The following NRXN3 variants were observed in gnomAD, a reference collection of about 807,000 sequenced individuals.
The protein encoded by NRXN3 is neurexin III.
Under a neutral mutation model 137.6 loss-of-function variants are expected in NRXN3, and 32 were observed. That is an observed-to-expected ratio of 0.23 (90% confidence interval 0.18 to 0.31). The LOEUF is 0.31. NRXN3 is among the 10% of genes least tolerant of loss of function. NRXN3 has a pLI of 1.00. For missense variants in NRXN3, 1,574 were observed against 2,062.5 expected, an observed-to-expected ratio of 0.76 and a Z score of 4.59; for synonymous variants, 798 against 784.5, an observed-to-expected ratio of 1.02 and a Z score of -0.29.
At chr14:78,275,219 T>C (rs964311592) in intron 2 of NRXN3, among the ~76,000 whole-genome samples, 2 of 152,228 alleles carry the variant, frequency 1.3e-5, no homozygotes, top group African/African-American at 4.8e-5. Flanking sequence ...TTTGACATTA[T>C]GTATCTGTTT....
chr14:78,201,385 G>T (rs2061663172), intron 1 of NRXN3, among the ~76,000 whole-genome samples: 1 of 152,178 alleles, frequency 6.6e-6, no homozygotes. Flanking sequence ...CCGCTCTGGG[G>T]CTTACAGATC....
intron 15 of NRXN3, among the ~76,000 whole-genome samples, chr14:79,430,745 G>T (rs1356030992): frequency 6.6e-6 from 1 of 152,148 alleles, no homozygotes; most frequent in Non-Finnish European, 1.5e-5. Flanking sequence ...AATATGTTAT[G>T]AGTTTTTTAA....
At chr14:79,204,702 G>C (rs1274800021) in intron 15 of NRXN3, among the ~76,000 whole-genome samples, 2 of 152,114 alleles carry the variant, frequency 1.3e-5, no homozygotes, top group Non-Finnish European at 1.5e-5. Flanking sequence ...GCAGCTGTTG[G>C]GTAGATATGG....
At chr14:78,888,666 C>G (rs1293979382) in intron 10 of NRXN3, among the ~76,000 whole-genome samples, 1 of 151,896 alleles carries the variant, frequency 6.6e-6, no homozygotes, top group African/African-American at 2.4e-5. Flanking sequence ...AAAGTTTATT[C>G]AAAGTTATTA....
chr14:79,226,627 C>A (rs2070908477), intron 15 of NRXN3, among the ~76,000 whole-genome samples: 1 of 152,050 alleles, frequency 6.6e-6, no homozygotes, highest in Admixed American at 6.6e-5. Context: ...TTTTCATGCC[C>A]CTTGTAAACA....
chr14:79,280,288 G>A (rs774267048), intron 15 of NRXN3: 3 of 1,613,940 alleles, frequency 1.9e-6, no homozygotes, highest in Non-Finnish European at 2.5e-6. Flanking sequence ...CCCGTGCGTT[G>A]ACCATGCACC....
intron 6 of NRXN3, among the ~76,000 whole-genome samples, chr14:78,686,037 G>A (rs112866772): frequency 1.7e-3 from 252 of 151,970 alleles, no homozygotes; most frequent in African/African-American, 5.8e-3. Flanking sequence ...TCCTTCTTCC[G>A]TTTAGCTTGT....
intron 19 of NRXN3, among the ~76,000 whole-genome samples, chr14:79,775,397 G>A (rs2099093517): frequency 6.6e-6 from 1 of 152,046 alleles, no homozygotes; most frequent in South Asian, 2.1e-4. Context: ...ACTGTTCGCA[G>A]TCATCTAATT....
chr14:79,125,827 A>G (rs990315356), intron 15 of NRXN3, among the ~76,000 whole-genome samples: 3 of 152,034 alleles, frequency 2.0e-5, no homozygotes, highest in African/African-American at 7.2e-5. Context: ...ATGATTGTCA[A>G]CTGCAATGAC....
chr14:79,495,743 C>T (rs983364638), intron 16 of NRXN3, among the ~76,000 whole-genome samples: 1 of 151,980 alleles, frequency 6.6e-6, no homozygotes, highest in African/African-American at 2.4e-5. Flanking sequence ...ATTGAATAAT[C>T]TTCCAAAATC....
At chr14:79,776,163 T>A (rs117556367) in intron 19 of NRXN3, among the ~76,000 whole-genome samples, 1 of 152,198 alleles carries the variant, frequency 6.6e-6, no homozygotes, top group Non-Finnish European at 1.5e-5. Context: ...ATTACTTCTC[T>A]CCACTGTTAC....
intron 20 of NRXN3, among the ~76,000 whole-genome samples, chr14:79,850,201 G>A (rs73336380): frequency 0.037 from 5,567 of 152,148 alleles, 335 homozygotes; most frequent in African/African-American, 0.13. Context: ...CAGCCCTCCC[G>A]GTTTGTAACT....
chr14:78,285,786 C>G (rs559992355), intron 3 of NRXN3, among the ~76,000 whole-genome samples: 3 of 152,220 alleles, frequency 2.0e-5, no homozygotes, highest in Non-Finnish European at 4.4e-5. Context: ...AATCTTTATT[C>G]AGTGCCCATC....
intron 19 of NRXN3, among the ~76,000 whole-genome samples, chr14:79,725,664 G>A (rs2098882074): frequency 6.6e-6 from 1 of 152,084 alleles, no homozygotes; most frequent in Admixed American, 6.6e-5. Flanking sequence ...TATATCCCAG[G>A]CACGTTTTGT....
At chr14:78,591,562 A>G (rs574414270) in intron 4 of NRXN3, among the ~76,000 whole-genome samples, 25 of 152,298 alleles carry the variant, frequency 1.6e-4, no homozygotes, top group African/African-American at 6.0e-4. Context: ...AATGAACTAG[A>G]AAGACTCTCC....
In NRXN3 at chr14:78,647,400, C is replaced by A. The variant is rs186119022; in HGVS notation, c.1059+1979C>A. Among the ~76,000 whole-genome samples the A allele has an allele frequency of 3.7e-4, 57 of 152,364 alleles. No homozygotes were observed. In the East Asian group the frequency reaches 0.011, roughly 29 times the overall value. ...GCAAAATGGTGGTTACAATCTTCCG[C>A]AGCCATGTGTGGTGGCTAAATATGC... On this transcript the variant is annotated intron_variant, in intron 5 of 20. Coordinates refer to ENST00000335750, the MANE Select transcript of NRXN3 (RefSeq NM_001330195.2).
chr14:79,740,688 C>T (rs1252408008), intron 19 of NRXN3, among the ~76,000 whole-genome samples: 4 of 124,880 alleles, frequency 3.2e-5, no homozygotes, highest in African/African-American at 5.9e-5. Context: ...TACTGCCTTT[C>T]CACTGGACTT....
chr14:79,574,241 C>G (rs146865204), intron 16 of NRXN3, among the ~76,000 whole-genome samples: 65 of 151,402 alleles, frequency 4.3e-4, no homozygotes, highest in African/African-American at 1.5e-3. Context: ...CACACACACA[C>G]ATACATATAT....
chr14:79,139,650 T>C (rs1274403033), intron 15 of NRXN3, among the ~76,000 whole-genome samples: 1 of 152,076 alleles, frequency 6.6e-6, no homozygotes, highest in African/African-American at 2.4e-5. Context: ...CTCTATCTGA[T>C]AATGTTGCAA....
Sources: allele counts gnomAD v4.1 joint callset (sites outside exome capture counted in the v4.1 genomes callset), GRCh38; gene constraint gnomAD v4.1.1; transcripts MANE v1.5; gene names NCBI Gene and HGNC (gene_info 2026-07-23, HGNC 2026-07-21).